Variants in NECAB2 observed in about 807,000 individuals in gnomAD.
The protein encoded by NECAB2 is N-terminal EF-hand calcium binding protein 2.
A neutral mutation model predicts 51.9 loss-of-function variants in NECAB2; 68 were observed. The observed-to-expected ratio is 1.31, with a 90% CI of 1.08 to 1.60. NECAB2 has a LOEUF of 1.60. NECAB2 is among the 40% of genes most tolerant of loss of function. NECAB2 has a pLI of 0.00. For synonymous variants in NECAB2, 329 were observed against 203.5 expected (o/e 1.62, Z -5.25); for missense variants, 854 against 490.3 (o/e 1.74, Z -7.00).
chr16:83,984,235 TCTGTC>T (rs1221145175), intron 5 of NECAB2, among the ~76,000 whole-genome samples: 2 of 151,836 alleles, frequency 1.3e-5, no homozygotes, highest in African/African-American at 2.4e-5. Context: ...GACCTCGTGA[TCTGTC>T]CTCCTCGGCC....
intron 10 of NECAB2, among the ~76,000 whole-genome samples, chr16:83,999,185 G>C (rs1473020332): frequency 1.3e-5 from 2 of 152,206 alleles, no homozygotes; most frequent in African/African-American, 4.8e-5. Context: ...TAGCACGAGG[G>C]GAGGAGTAGC....
chr16:83,998,522 G>A (rs1243654831), intron 10 of NECAB2, among the ~76,000 whole-genome samples: 1 of 152,108 alleles, frequency 6.6e-6, no homozygotes, highest in Admixed American at 6.5e-5. Context: ...CATCTCCCTG[G>A]CATCAGCTTA....
chr16:83,985,557 C>T (rs865880587), intron 5 of NECAB2, among the ~76,000 whole-genome samples: 20 of 151,164 alleles, frequency 1.3e-4, no homozygotes, highest in Admixed American at 1.1e-3. Flanking sequence ...GACTTGAACC[C>T]GGGAGGTGGA....
chr16:83,969,406 C>G (rs538939481), intron 1 of NECAB2, among the ~76,000 whole-genome samples: 1 of 152,196 alleles, frequency 6.6e-6, no homozygotes, highest in East Asian at 1.9e-4. Flanking sequence ...TCTGTCTTCT[C>G]GTCTCCTTTC....
chr16:83,998,018 GC>G lies in NECAB2; in HGVS notation c.850-186del, dbSNP rs200152085. ...TTTTTGGGGGCTACTTCTGCACTGG[GC>G]TCTTGAGGTTCTAGTCCTTTCTTAG... is the stretch of plus-strand genomic sequence containing the variant. On this transcript the variant is annotated intron_variant, in intron 9 of 12. Coordinates refer to ENST00000305202, the MANE Select transcript of NECAB2 (RefSeq NM_019065.3). Among the ~76,000 whole-genome samples, 988 of 152,186 alleles carry G rather than the reference GC, an allele frequency of 6.5e-3. 10 individuals carry two copies. Among genetic ancestry groups the G allele is most frequent in the African/African-American group, 0.023 (938 of 41,520 alleles).
upstream of NECAB2, chr16:83,965,565 A>G: frequency 1.9e-6 from 3 of 1,612,904 alleles, no homozygotes; most frequent in Admixed American, 1.7e-5. Context: ...CAGCTGCCCA[A>G]GATGCTGTAC....
intron 3 of NECAB2, among the ~76,000 whole-genome samples, chr16:83,979,362 C>G (rs7191433): frequency 0.27 from 41,687 of 152,126 alleles, 10,116 homozygotes; most frequent in African/African-American, 0.66. Context: ...ATGGTCTGGA[C>G]AAGGAGCTAC....
intron 8 of NECAB2, among the ~76,000 whole-genome samples, chr16:83,995,447 C>A (rs1375982845): frequency 6.6e-6 from 1 of 152,046 alleles, no homozygotes; most frequent in Non-Finnish European, 1.5e-5. Context: ...TAGGATGAAC[C>A]AAAATGATGT....
chr16:83,998,500 G>C (rs977662462), intron 10 of NECAB2, among the ~76,000 whole-genome samples, 183 bp downstream of exon 10: 6 of 152,142 alleles, frequency 3.9e-5, no homozygotes, highest in African/African-American at 1.4e-4. Context: ...AAGCAAATGT[G>C]GCAGGTGTCT....
At position 83,994,685 on chromosome 16, in the gene NECAB2, C is replaced by T. The variant is rs1231667858; in HGVS notation, c.792C>T (p.Ser264=). The T allele has an allele frequency of 6.2e-7, 1 of 1,613,908 alleles. No individual in the cohort carries two copies. Among genetic ancestry groups the T allele is most frequent in the African/African-American group, 1.3e-5 (1 of 74,920 alleles). The part of the protein sequence containing the change: ...RLAELIGRLE[S]KALWFDLQQR... ...CAGAGCTGATTGGGAGGCTGGAGAG[C>T]AAAGTAAGCCCTGGCCTGACCACGG... Residue 264 remains serine (S), a synonymous_variant, in exon 8 of 13, where the codon AGC becomes AGT. Coordinates refer to ENST00000305202, the MANE Select transcript of NECAB2 (RefSeq NM_019065.3).
Position 83,994,626 on chromosome 16 carries a change from G to GA in NECAB2, c.735dup (p.Glu246ArgfsTer33). On this transcript the variant is annotated frameshift_variant, in exon 8 of 13. Coordinates refer to ENST00000305202, the MANE Select transcript of NECAB2 (RefSeq NM_019065.3). LOFTEE classifies it high-confidence loss of function. Reference sequence around the variant, plus strand: ...TACCGCAGCCACGGAGGATGCAAAGGAAGAGGGTCTGGAAGCCCAGATCAG... The same window carrying GA: ...TACCGCAGCCACGGAGGATGCAAAGGAAAGAGGGTCTGGAAGCCCAGATCAG... 2.5e-6 allele frequency: 4 copies of GA among 1,614,150 alleles called. No homozygotes were observed. The highest frequency in any genetic ancestry group is 3.4e-6 in the Non-Finnish European group (4 of 1,180,040).
In NECAB2 at chr16:83,986,045, T is replaced by A. The variant is rs920974227; in HGVS notation, c.460-4449T>A. ...TTTTTTTCTTTTTTGATACGGAGTT[T>A]CTCTTTCGTTGCCCAGGCCAGAGTA... On this transcript the variant is annotated intron_variant, in intron 5 of 12. Transcript: ENST00000305202. Among the ~76,000 whole-genome samples, 3 of 152,216 alleles carry A rather than the reference T, an allele frequency of 2.0e-5. No homozygotes were observed. The South Asian group carries it at 6.2e-4, about 31-fold the overall frequency.
At chr16:83,982,187 T>C (rs1462300375) in intron 5 of NECAB2, among the ~76,000 whole-genome samples, 3 of 152,180 alleles carry the variant, frequency 2.0e-5, no homozygotes, top group Non-Finnish European at 4.4e-5. Context: ...ACCCATTCTG[T>C]GCAATTTTCC....
At chr16:83,980,060 C>T (rs2084465249) in intron 3 of NECAB2, among the ~76,000 whole-genome samples, 2 of 152,230 alleles carry the variant, frequency 1.3e-5, no homozygotes, top group African/African-American at 4.8e-5. Context: ...CCACAGAAGC[C>T]TTCTGTCCAG....
intron 3 of NECAB2, among the ~76,000 whole-genome samples, chr16:83,980,018 C>G (rs1293375501): frequency 6.6e-6 from 1 of 152,210 alleles, no homozygotes; most frequent in African/African-American, 2.4e-5. Context: ...CCTGACAGAG[C>G]ATGCAGAGCC....
At chr16:83,973,858 T>A (rs952611974) in intron 2 of NECAB2, among the ~76,000 whole-genome samples, 1 of 152,154 alleles carries the variant, frequency 6.6e-6, no homozygotes, top group Non-Finnish European at 1.5e-5. Flanking sequence ...CGTGGGCCTC[T>A]AGCCATGGCT....
At chr16:83,988,428 C>G (rs921812862) in intron 5 of NECAB2, among the ~76,000 whole-genome samples, 64 of 152,266 alleles carry the variant, frequency 4.2e-4, no homozygotes, top group African/African-American at 1.5e-3. Flanking sequence ...ACTTTCTCTT[C>G]CCTTTGGGAA....
intron 2 of NECAB2, among the ~76,000 whole-genome samples, chr16:83,974,079 C>T (rs897823099): frequency 3.3e-5 from 5 of 152,074 alleles, no homozygotes; most frequent in Non-Finnish European, 7.4e-5. Flanking sequence ...TTCCTTACTG[C>T]AGCCTCCTCA....
intron 6 of NECAB2, among the ~76,000 whole-genome samples, chr16:83,992,183 G>A (rs1028761953): frequency 2.9e-4 from 43 of 148,692 alleles, no homozygotes; most frequent in African/African-American, 1.1e-3. Flanking sequence ...CAGGAGGACT[G>A]AAAGAGACGT....
Sources: gnomAD v4.1 joint callset for allele counts (sites outside exome capture counted in the v4.1 genomes callset) on GRCh38, gnomAD v4.1.1 for gene constraint, MANE v1.5 for transcripts, NCBI Gene and HGNC (gene_info 2026-07-23, HGNC 2026-07-21) for gene names.